Variants in CALD1 observed in about 807,000 individuals in gnomAD.
CALD1 encodes caldesmon 1.
In CALD1, 33 loss-of-function variants were observed where a neutral mutation model predicts 99.9. The observed-to-expected ratio is 0.33, with a 90% CI of 0.25 to 0.44. CALD1 has a LOEUF of 0.44. Among genes scored for constraint, CALD1 ranks in the 20% least tolerant of loss-of-function variants. The pLI, the probability that CALD1 is intolerant of heterozygous loss-of-function variation, is 1.00. For synonymous variants in CALD1, 310 were observed against 325.0 expected (o/e 0.95, Z 0.50); for missense variants, 861 against 962.1 (o/e 0.89, Z 1.39).
intron 1 of CALD1, among the ~76,000 whole-genome samples, chr7:134,808,383 C>T (rs1798232069): frequency 6.6e-6 from 1 of 152,144 alleles, no homozygotes; most frequent in African/African-American, 2.4e-5. Flanking sequence ...GCTGAGATTA[C>T]AGGCATGAGC....
At position 134,932,974 on chromosome 7, in the gene CALD1, T is replaced by C. The variant is rs748464902; in HGVS notation, c.219-14T>C. On this transcript the variant is annotated splice_polypyrimidine_tract_variant and intron_variant, in intron 4 of 14. Coordinates refer to ENST00000361675, the MANE Select transcript of CALD1 (RefSeq NM_033138.4). ...GAGCAAGCTGTCTTTGGTGTTGTTCTTTCTGTTGTACAGTGTGCCTGACGA... is the reference window on the plus strand; with the variant it reads ...GAGCAAGCTGTCTTTGGTGTTGTTCCTTCTGTTGTACAGTGTGCCTGACGA... 6 of 1,567,894 alleles carry C rather than the reference T, an allele frequency of 3.8e-6. No homozygotes were observed. Among genetic ancestry groups the C allele is most frequent in the Non-Finnish European group, 5.2e-6 (6 of 1,151,068 alleles).
chr7:134,754,591 CA>C (rs760921202), intron 1 of CALD1, among the ~76,000 whole-genome samples: 73 of 152,320 alleles, frequency 4.8e-4, no homozygotes, highest in Admixed American at 9.2e-4. Flanking sequence ...GACTGCTTGA[CA>C]TACAAGAAAA....
intron 2 of CALD1, among the ~76,000 whole-genome samples, chr7:134,859,517 C>T (rs140884156): frequency 9.2e-5 from 14 of 152,282 alleles, no homozygotes; most frequent in African/African-American, 2.9e-4. Flanking sequence ...CAGAAGAAGT[C>T]GTGTCCCAAA....
At chr7:134,885,499 T>C (rs1412038408) in intron 3 of CALD1, among the ~76,000 whole-genome samples, 1 of 152,228 alleles carries the variant, frequency 6.6e-6, no homozygotes, top group Non-Finnish European at 1.5e-5. Flanking sequence ...CTGGATTTCA[T>C]TCCAGCTATA....
At chr7:134,785,693 A>T (rs1019202439) in intron 1 of CALD1, among the ~76,000 whole-genome samples, 2 of 152,208 alleles carry the variant, frequency 1.3e-5, no homozygotes, top group Non-Finnish European at 2.9e-5. Context: ...ATACATATGC[A>T]TTCTAGGGTT....
intron 2 of CALD1, among the ~76,000 whole-genome samples, chr7:134,851,674 C>T (rs1800088813): frequency 6.6e-6 from 1 of 152,110 alleles, no homozygotes; most frequent in Non-Finnish European, 1.5e-5. Context: ...GCTTAGCCAC[C>T]CCTACTGACA....
At chr7:134,917,496 G>A (rs577779822) in intron 3 of CALD1, among the ~76,000 whole-genome samples, 3 of 152,052 alleles carry the variant, frequency 2.0e-5, no homozygotes, top group South Asian at 2.1e-4. Context: ...TTACAGGTGC[G>A]CACCACCACG....
At position 134,941,189 on chromosome 7, in the gene CALD1, A is replaced by T. The variant is rs1806398812; in HGVS notation, c.1484A>T (p.Asn495Ile). The T allele has an allele frequency of 6.2e-7, 1 of 1,613,278 alleles. No individual in the cohort carries two copies. Among genetic ancestry groups the T allele is most frequent in the Admixed American group, 1.7e-5 (1 of 59,896 alleles). Residue 495 changes from asparagine (N) to isoleucine (I), a missense_variant, in exon 7 of 15, where the codon AAT becomes ATT. Physicochemically the swap from Asn to Ile is moderately radical, Grantham distance 149. Coordinates refer to ENST00000361675, the MANE Select transcript of CALD1 (RefSeq NM_033138.4). ...GGATTTACAGAAGTTAAGTCGCAGA[A>T]TGGAGAATTCATGACCCACAAACTT... is the stretch of plus-strand genomic sequence containing the variant. ...KKGFTEVKSQNGEFMTHKLKH... is the reference protein window; with the variant it reads ...KKGFTEVKSQIGEFMTHKLKH...
intron 1 of CALD1, among the ~76,000 whole-genome samples, chr7:134,815,176 C>G (rs10256231): frequency 0.044 from 6,720 of 152,240 alleles, 482 homozygotes; most frequent in African/African-American, 0.15. Context: ...ATTGCTGCAA[C>G]TCTAGCTGGC....
the CALD1 span, among the ~76,000 whole-genome samples, chr7:134,711,658 C>A: frequency 0.014 from 962 of 66,938 alleles, 23 homozygotes; most frequent in African/African-American, 0.035. Context: ...CTCTCTCTCT[C>A]TCTATATATA....
chr7:134,937,636 C>CAAA (rs564323364), intron 6 of CALD1, among the ~76,000 whole-genome samples: 2 of 97,344 alleles, frequency 2.1e-5, no homozygotes, highest in Admixed American at 2.3e-4. Flanking sequence ...CCTTTTTGTA[C>CAAA]AAAAAAAAAA....
intron 3 of CALD1, among the ~76,000 whole-genome samples, chr7:134,919,763 A>T (rs1445605441): frequency 6.6e-6 from 1 of 152,160 alleles, no homozygotes; most frequent in East Asian, 1.9e-4. Context: ...ACAGCAATGA[A>T]CCCCACAATG....
chr7:134,735,565 C>CTGTGTGTGTG, the CALD1 span, among the ~76,000 whole-genome samples: 15 of 121,408 alleles, frequency 1.2e-4, no homozygotes, highest in East Asian at 4.9e-4. Context: ...CCACTACCCT[C>CTGTGTGTGTG]TGTGTGTGTG....
At chr7:134,789,895 G>GGTTT (rs1441786268) in intron 1 of CALD1, among the ~76,000 whole-genome samples, 2 of 151,748 alleles carry the variant, frequency 1.3e-5, no homozygotes, top group Non-Finnish European at 2.9e-5. Flanking sequence ...CCAACCAGAA[G>GGTTT]GTTTACCTGC....
At chr7:134,760,222 A>G (rs1796764356) in intron 1 of CALD1, among the ~76,000 whole-genome samples, 1 of 152,234 alleles carries the variant, frequency 6.6e-6, no homozygotes, top group South Asian at 2.1e-4. Flanking sequence ...TGAGTGTGGT[A>G]GGAAATCAAA....
At chr7:134,773,073 T>C (rs114749080) in intron 1 of CALD1, among the ~76,000 whole-genome samples, 3,794 of 152,330 alleles carry the variant, frequency 0.025, 179 homozygotes, top group African/African-American at 0.085. Flanking sequence ...TATTGGCCCA[T>C]TGGGCCCTTT....
At chr7:134,828,196 C>T (rs140534137) in intron 1 of CALD1, among the ~76,000 whole-genome samples, 5 of 152,290 alleles carry the variant, frequency 3.3e-5, no homozygotes, top group East Asian at 1.9e-4. Flanking sequence ...AAGCCAATAT[C>T]GCGGCTGGTG....
intron 3 of CALD1, among the ~76,000 whole-genome samples, chr7:134,894,232 G>A (rs988498029): frequency 6.6e-6 from 1 of 152,112 alleles, no homozygotes; most frequent in Non-Finnish European, 1.5e-5. Flanking sequence ...CCCAGTTCCC[G>A]GCTTGACTTT....
chr7:134,743,196 G>C (rs1306844113), upstream of CALD1, among the ~76,000 whole-genome samples: 1 of 152,180 alleles, frequency 6.6e-6, no homozygotes, highest in Admixed American at 6.5e-5. Context: ...CCCTGGCTTG[G>C]TTCTTCCATG....
Sources: gnomAD v4.1 joint callset for allele counts (sites outside exome capture counted in the v4.1 genomes callset) on GRCh38, gnomAD v4.1.1 for gene constraint, MANE v1.5 for transcripts, NCBI Gene and HGNC (gene_info 2026-07-23, HGNC 2026-07-21) for gene names.